The following HTR2C variants were observed in gnomAD, a reference collection of about 807,000 sequenced individuals.
HTR2C encodes the protein 5-hydroxytryptamine receptor 2C.
A neutral mutation model predicts 21.0 loss-of-function variants in HTR2C; 5 were observed. The ratio of observed to expected loss-of-function variants is 0.24; its 90% CI spans 0.12 to 0.50. The LOEUF (loss-of-function observed/expected upper bound fraction) is 0.50, where lower values mean the gene tolerates loss of function less well. Among genes scored for constraint, HTR2C ranks in the 20% least tolerant of loss-of-function variants. The probability of loss-of-function intolerance (pLI) is 0.98; values close to 1 mark genes in which losing one functional copy is unlikely to be tolerated. For missense variants in HTR2C, 271 were observed against 371.2 expected, an observed-to-expected ratio of 0.73 and a Z score of 2.22; for synonymous variants, 150 against 145.3, an observed-to-expected ratio of 1.03 and a Z score of -0.23.
At chrX:114,589,582 C>A in intron 1 of HTR2C, 1 of 140,956 alleles carries the variant, frequency 7.1e-6, no homozygotes, top group Non-Finnish European at 1.4e-5. Flanking sequence ...CAGTAAAAAT[C>A]GTTTATCTCT....
At chrX:114,595,668 T>TAG (rs1273242547) in intron 1 of HTR2C, among the ~76,000 whole-genome samples, 2 of 109,668 alleles carry the variant, frequency 1.8e-5, no homozygotes, top group Non-Finnish European at 1.9e-5. Flanking sequence ...TATATATATA[T>TAG]AGAGAGAGTC....
intron 5 of HTR2C, among the ~76,000 whole-genome samples, chrX:114,873,624 TTTC>T (rs2071109123): frequency 8.9e-6 from 1 of 111,733 alleles, no homozygotes; most frequent in African/African-American, 3.2e-5. Context: ...AGGCACTGAG[TTTC>T]TTTTTTTATT....
intron 4 of HTR2C, among the ~76,000 whole-genome samples, chrX:114,778,953 GAATA>G (rs2070087671): frequency 9.0e-6 from 1 of 111,135 alleles, no homozygotes; most frequent in Non-Finnish European, 1.9e-5. Flanking sequence ...AAGAAATGAA[GAATA>G]AATATATATA....
intron 4 of HTR2C, among the ~76,000 whole-genome samples, chrX:114,830,713 T>C (rs1454616945): frequency 9.2e-6 from 1 of 109,011 alleles, no homozygotes; most frequent in African/African-American, 3.3e-5. Flanking sequence ...TTTATTATTA[T>C]ACTTTAAGTT....
intron 5 of HTR2C, among the ~76,000 whole-genome samples, chrX:114,855,746 CTTTTTTTTTTTTTTTTTTTTTTTT>C (rs782183285): frequency 1.1e-4 from 2 of 17,915 alleles, no homozygotes; most frequent in South Asian, 8.5e-3. Flanking sequence ...AAGCAACCAT[CTTTTTTTTTTTTTTTTTTTTTTTT>C]TTTTTTTTTT....
intron 4 of HTR2C, chrX:114,776,136 C>T: frequency 1.9e-6 from 1 of 516,561 alleles, no homozygotes; most frequent in Non-Finnish European, 3.5e-6. Context: ...AAGATTCCAT[C>T]CTGAATAATG....
At chrX:114,870,372 G>A (rs944495125) in intron 5 of HTR2C, among the ~76,000 whole-genome samples, 7 of 110,917 alleles carry the variant, frequency 6.3e-5, no homozygotes, top group African/African-American at 1.3e-4. Context: ...GTGAGCCACC[G>A]CGCCCAGCCA....
Position 114,860,763 on chromosome X carries a change from C to A in HTR2C, c.550+12560C>A, listed in dbSNP as rs141620009. Among the ~76,000 whole-genome samples the A allele has an allele frequency of 9.7e-3, 1,068 of 110,546 alleles. 11 individuals are homozygous for A. The highest frequency in any genetic ancestry group is 0.014 in the Non-Finnish European group (744 of 52,683). On this transcript the variant is annotated intron_variant, in intron 5 of 5. Transcript: ENST00000276198. The stretch of plus-strand genomic sequence containing the variant: ...AAACCCATGAAAACATCACCACACT[C>A]AAGATCATAAAGATAGCCATCCCCA...
intron 4 of HTR2C, among the ~76,000 whole-genome samples, chrX:114,777,121 A>C (rs781866421): frequency 2.6e-4 from 29 of 112,269 alleles, no homozygotes; most frequent in Non-Finnish European, 5.4e-4. Flanking sequence ...TATTGTGATT[A>C]GGTACTAAAA....
intron 2 of HTR2C, among the ~76,000 whole-genome samples, chrX:114,698,015 T>C (rs1932329818): frequency 8.9e-6 from 1 of 111,789 alleles, no homozygotes; most frequent in Non-Finnish European, 1.9e-5. Flanking sequence ...CTCAGTTCTT[T>C]AGGGTTGTAG....
At chrX:114,698,432 A>G (rs1186807760) in intron 2 of HTR2C, among the ~76,000 whole-genome samples, 1 of 87,980 alleles carries the variant, frequency 1.1e-5, no homozygotes, top group Non-Finnish European at 2.2e-5. Flanking sequence ...TCCAGAACAC[A>G]GGCACAAACA....
intron 2 of HTR2C, among the ~76,000 whole-genome samples, chrX:114,651,222 C>A (rs1394599373): frequency 9.0e-6 from 1 of 111,320 alleles, no homozygotes; most frequent in African/African-American, 3.3e-5. Context: ...GTCTTCAAAG[C>A]AAATAATTTA....
Position 114,746,441 on chromosome X carries a change from A to G in HTR2C, c.349+14834A>G, listed in dbSNP as rs782333926. 2.9e-4 allele frequency among the ~76,000 whole-genome samples: 32 copies of G among 112,275 alleles called. No individual in the cohort carries two copies. The East Asian group carries it at 8.9e-3, about 31-fold the overall frequency. ...GATATAGCGGGCCCAACATTAAAAA[A>G]TCAATTAATGTTGATTAATTGATCA... On this transcript the variant is annotated intron_variant, in intron 4 of 5. Coordinates refer to ENST00000276198, the MANE Select transcript of HTR2C (RefSeq NM_000868.4).
chrX:114,841,624 C>G (rs782025356), intron 4 of HTR2C, among the ~76,000 whole-genome samples: 5 of 110,704 alleles, frequency 4.5e-5, no homozygotes, highest in Non-Finnish European at 9.5e-5. Context: ...ACCTGTAGTC[C>G]CAGCTACTTG....
At chrX:114,667,207 A>C (rs1556411029) in intron 2 of HTR2C, among the ~76,000 whole-genome samples, 1 of 111,487 alleles carries the variant, frequency 9.0e-6, no homozygotes, top group Non-Finnish European at 1.9e-5. Context: ...TTTTTTAACA[A>C]AAAATACCTT....
intron 4 of HTR2C, among the ~76,000 whole-genome samples, chrX:114,841,393 C>T (rs1556465566): frequency 8.9e-6 from 1 of 112,164 alleles, no homozygotes; most frequent in Non-Finnish European, 1.9e-5. Context: ...AACTTTAACA[C>T]TACTGAAAAT....
intron 1 of HTR2C, chrX:114,589,952 T>C: frequency 4.5e-6 from 1 of 224,462 alleles, no homozygotes; most frequent in Non-Finnish European, 8.3e-6. Flanking sequence ...TCTTTTGTTT[T>C]ATTATGAAGA....
At chrX:114,645,774 AAAGAT>A (rs1433423041) in intron 2 of HTR2C, among the ~76,000 whole-genome samples, 1 of 112,106 alleles carries the variant, frequency 8.9e-6, no homozygotes, top group African/African-American at 3.2e-5. Context: ...TTTTATGAAA[AAAGAT>A]AAGATATGGA....
Position 114,868,329 on chromosome X carries a change from C to T in HTR2C, c.550+20126C>T, listed in dbSNP as rs1160526979. On this transcript the variant is annotated intron_variant, in intron 5 of 5. Coordinates refer to ENST00000276198, the MANE Select transcript of HTR2C (RefSeq NM_000868.4). ...ATTTCTTTTTTTCTTTCTTCCTTGC[C>T]TTCTTCTCCTCTCCCTCCTCCTTTT... Among the ~76,000 whole-genome samples, 3 of 109,651 alleles carry T rather than the reference C, an allele frequency of 2.7e-5. No individual in the cohort carries two copies. In the East Asian group the frequency reaches 8.6e-4, roughly 31 times the overall value.
Sources: gnomAD v4.1 joint callset for allele counts (sites outside exome capture counted in the v4.1 genomes callset) on GRCh38, gnomAD v4.1.1 for gene constraint, MANE v1.5 for transcripts, NCBI Gene and HGNC (gene_info 2026-07-23, HGNC 2026-07-21) for gene names.